ZNF780B: variants seen among roughly 807,000 people sequenced by gnomAD.
The protein encoded by ZNF780B is zinc finger protein 779.
Under a neutral mutation model 74.1 loss-of-function variants are expected in ZNF780B, and 52 were observed. That is an observed-to-expected ratio of 0.70 (90% CI 0.56 to 0.88). The LOEUF (loss-of-function observed/expected upper bound fraction) is 0.88, where lower values mean the gene tolerates loss of function less well. Ranked by LOEUF, ZNF780B falls within the 40% of genes least tolerant of loss-of-function variation. The probability of loss-of-function intolerance (pLI) is 0.00; values close to 1 mark genes in which losing one functional copy is unlikely to be tolerated. For synonymous variants in ZNF780B, 315 were observed against 324.3 expected (o/e 0.97, Z 0.31); for missense variants, 953 against 1,007.6 (o/e 0.95, Z 0.73).
Position 40,031,237 on chromosome 19 carries a change from T to G in ZNF780B, c.*3120A>C, listed in dbSNP as rs1245631820. The G allele has an allele frequency of 6.6e-6, 1 of 152,238 alleles. No individual in the cohort carries two copies. The highest frequency in any genetic ancestry group is 1.5e-5 in the Non-Finnish European group (1 of 68,046). 9.4% of individuals were successfully genotyped at this position (152,238 alleles called of 1,614,324 possible). A position where few individuals can be genotyped will look rare whatever the true frequency, so the allele number is the denominator to read the frequency against. ...GTATCATGTTTTGTTTTGGGGTTTT[T>G]TTGAGATGAAGTCTCACTTTGTCGC... On this transcript the variant is annotated 3_prime_UTR_variant, in exon 5 of 5. Coordinates refer to ENST00000434248, the MANE Select transcript of ZNF780B (RefSeq NM_001005851.3).
chr19:40,034,384 C>T lies in ZNF780B; in HGVS notation c.2475G>A (p.Leu825=), dbSNP rs752481253. 1.2e-6 allele frequency: 2 copies of T among 1,608,684 alleles called. No homozygotes were observed. Among genetic ancestry groups the T allele is most frequent in the Non-Finnish European group, 1.7e-6 (2 of 1,176,996 alleles). The change falls in exon 5 of 5, where the codon CTG becomes CTA. Residue 825 remains leucine (L), a synonymous_variant. Transcript: ENST00000434248. ...ACCCAAGTATGAATTTTCTGATGTT[C>T]AGTAAGTTGCTACTGATGTCTGAAG... The part of the protein sequence containing the change: ...GQPSDISSNL[L]NIRKFILG
chr19:40,034,299 C>T lies in ZNF780B; in HGVS notation c.*58G>A, dbSNP rs1274186888. 7.3e-7 allele frequency: 1 copy of T among 1,369,228 alleles called. No individual in the cohort carries two copies. The highest frequency in any genetic ancestry group is 1.0e-6 in the Non-Finnish European group (1 of 989,306). The allele number at this position is 1,369,228 out of a possible 1,614,324, so 84.8% of individuals were successfully genotyped here. A position where few individuals can be genotyped will look rare whatever the true frequency, so the allele number is the denominator to read the frequency against. On this transcript the variant is annotated 3_prime_UTR_variant, in exon 5 of 5. Transcript: ENST00000434248. ...CTCACGAATATGAAATCTATAATGTCCATGAAATTGGTAATGATATTGAAA... is the reference window on the plus strand; with the variant it reads ...CTCACGAATATGAAATCTATAATGTTCATGAAATTGGTAATGATATTGAAA...
intron 4 of ZNF780B, among the ~76,000 whole-genome samples, chr19:40,045,665 A>T (rs1819513893): frequency 6.6e-6 from 1 of 152,218 alleles, no homozygotes. Flanking sequence ...TGTCATTTGC[A>T]GCAACATGGA....
chr19:40,046,502 C>T (rs892129144), intron 4 of ZNF780B, among the ~76,000 whole-genome samples: 44 of 152,318 alleles, frequency 2.9e-4, no homozygotes, highest in Admixed American at 2.2e-3. Flanking sequence ...CCTTTCTTCC[C>T]GCTGTTCCAT....
intron 4 of ZNF780B, chr19:40,047,164 T>C (rs1313696755): frequency 2.1e-6 from 1 of 486,458 alleles, no homozygotes; most frequent in Non-Finnish European, 3.7e-6. Flanking sequence ...TAACAGAAAT[T>C]AGGTGATTAG....
At chr19:40,053,758 G>C (rs1490428513) in intron 1 of ZNF780B, among the ~76,000 whole-genome samples, 1 of 152,162 alleles carries the variant, frequency 6.6e-6, no homozygotes, top group African/African-American at 2.4e-5. Flanking sequence ...GCTGTCATTC[G>C]CAACAACATG....
chr19:40,036,113 AAC>A lies in ZNF780B; in HGVS notation c.744_745del (p.Phe249Ter), dbSNP rs1972293463. 3 of 1,613,494 alleles carry A rather than the reference AAC, an allele frequency of 1.9e-6. No individual in the cohort carries two copies. The highest frequency in any genetic ancestry group is 2.5e-6 in the Non-Finnish European group (3 of 1,179,790). On this transcript the variant is annotated frameshift_variant, in exon 5 of 5. Transcript: ENST00000434248. LOFTEE classifies it high-confidence loss of function. ...AGACTTCCCACATTCCTTACATTCAAACAGTTTCTTAACTGTGTGAATGTTCT... is the reference window on the plus strand; with the variant it reads ...AGACTTCCCACATTCCTTACATTCAAAGTTTCTTAACTGTGTGAATGTTCT...
Position 40,029,620 on chromosome 19 carries a change from A to G in ZNF780B, c.*4737T>C, listed in dbSNP as rs1441363941. 6.5e-6 allele frequency: 1 copy of G among 153,038 alleles called. No homozygotes were observed. Among genetic ancestry groups the G allele is most frequent in the Non-Finnish European group, 1.5e-5 (1 of 68,188 alleles). 9.5% of individuals were successfully genotyped at this position (153,038 alleles called of 1,614,324 possible). On this transcript the variant is annotated 3_prime_UTR_variant, in exon 5 of 5. Coordinates refer to ENST00000434248, the MANE Select transcript of ZNF780B (RefSeq NM_001005851.3). Reference sequence around the variant, plus strand: ...TAACAAAAGCAGCATCTTTTTTTCCATACCTGTAACTGCCATGTGCACTCA... The same window carrying G: ...TAACAAAAGCAGCATCTTTTTTTCCGTACCTGTAACTGCCATGTGCACTCA...
At chr19:40,037,813 C>T (rs1972412997) in intron 4 of ZNF780B, among the ~76,000 whole-genome samples, 1 of 151,702 alleles carries the variant, frequency 6.6e-6, no homozygotes, top group Non-Finnish European at 1.5e-5. Flanking sequence ...TTCTTGCTTG[C>T]TTAGACTGCT....
intron 2 of ZNF780B, 119 bp downstream of exon 2, chr19:40,050,196 CAAAAAAAAA>C (rs74179712): frequency 1.9e-3 from 736 of 392,278 alleles, no homozygotes; most frequent in Non-Finnish European, 2.5e-3. Flanking sequence ...GACTCCGTCT[CAAAAAAAAA>C]AAAAAAAAAA....
At chr19:40,040,053 T>C (rs1426619626) in intron 4 of ZNF780B, among the ~76,000 whole-genome samples, 2 of 152,190 alleles carry the variant, frequency 1.3e-5, no homozygotes, top group East Asian at 3.8e-4. Context: ...GGGTTTGTCA[T>C]AGATAGCTCT....
At chr19:40,041,883 A>T (rs1972660570) in intron 4 of ZNF780B, among the ~76,000 whole-genome samples, 1 of 152,144 alleles carries the variant, frequency 6.6e-6, no homozygotes, top group Non-Finnish European at 1.5e-5. Context: ...GTGTCTTTTA[A>T]TTGGAGAATT....
rs1490434031 is a variant in ZNF780B, at chr19:40,029,176, A to AT, written c.*5180dup. ...ATTGAAATGGAATGGTATTCTGGAA[A>AT]TTAAGACACACAGGTCCGTTATCCC... On this transcript the variant is annotated 3_prime_UTR_variant, in exon 5 of 5. Coordinates refer to ENST00000434248, the MANE Select transcript of ZNF780B (RefSeq NM_001005851.3). The AT allele has an allele frequency of 6.6e-6, 1 of 152,246 alleles. No homozygotes were observed. 9.4% of individuals were successfully genotyped at this position (152,246 alleles called of 1,614,324 possible).
chr19:40,049,227 C>T (rs2144818477), intron 2 of ZNF780B, among the ~76,000 whole-genome samples: 1 of 118,880 alleles, frequency 8.4e-6, no homozygotes, highest in South Asian at 2.9e-4. Flanking sequence ...GAGTGAGACC[C>T]TATCTCAAAA....
chr19:40,029,924 T>G lies in ZNF780B; in HGVS notation c.*4433A>C, dbSNP rs1258271783. 1.3e-5 allele frequency: 2 copies of G among 152,214 alleles called. No homozygotes were observed. The highest frequency in any genetic ancestry group is 4.8e-5 in the African/African-American group (2 of 41,446). 9.4% of individuals were successfully genotyped at this position (152,214 alleles called of 1,614,324 possible). On this transcript the variant is annotated 3_prime_UTR_variant, in exon 5 of 5. Coordinates refer to ENST00000434248, the MANE Select transcript of ZNF780B (RefSeq NM_001005851.3). ...CAATTTGAGCATAAATAATAATAAT[T>G]ACTACAGGTGCTTCTCAACTTACGG... is the stretch of plus-strand genomic sequence containing the variant.
chr19:40,051,550 T>C lies in ZNF780B; in HGVS notation c.-45-1173A>G, dbSNP rs79419168. ...ACTAATTTCTTGTATGCATTAATGA[T>C]GGTCATATTTCTACATCCGAATTCA... is the stretch of plus-strand genomic sequence containing the variant. On this transcript the variant is annotated intron_variant, in intron 1 of 4. Coordinates refer to ENST00000434248, the MANE Select transcript of ZNF780B (RefSeq NM_001005851.3). 9.1e-3 allele frequency among the ~76,000 whole-genome samples: 1,385 copies of C among 152,320 alleles called. 41 individuals are homozygous for C. In the East Asian group the frequency reaches 0.099, roughly 11 times the overall value.
chr19:40,036,881 T>C (rs1244752493), intron 4 of ZNF780B, among the ~76,000 whole-genome samples: 1 of 151,792 alleles, frequency 6.6e-6, no homozygotes, highest in Admixed American at 6.6e-5. Context: ...AACTCAGATG[T>C]ACAGAATCAG....
Position 40,035,273 on chromosome 19 carries a change from T to C in ZNF780B, c.1586A>G (p.Tyr529Cys), listed in dbSNP as rs531768381. ...HQSIHTGEKP[Y>C]ECKECGKAFR... ...AGCCTTCCCACACTCCTTACATTCA[T>C]AGGGCTTCTCACCAGTGTGAATACT... is the stretch of plus-strand genomic sequence containing the variant. Residue 529 changes from tyrosine (Y) to cysteine (C), a missense_variant, in exon 5 of 5, where the codon TAT becomes TGT. Coordinates refer to ENST00000434248, the MANE Select transcript of ZNF780B (RefSeq NM_001005851.3). 8.7e-6 allele frequency: 14 copies of C among 1,613,790 alleles called. No individual in the cohort carries two copies. The African/African-American group carries it at 1.3e-4, about 15-fold the overall frequency.
chr19:40,051,403 C>A (rs1488119948), intron 1 of ZNF780B, among the ~76,000 whole-genome samples: 1 of 152,050 alleles, frequency 6.6e-6, no homozygotes, highest in East Asian at 1.9e-4. Flanking sequence ...CTCTACTGAG[C>A]TCTTGTTTTT....
Sources: gnomAD v4.1 joint callset for allele counts (sites outside exome capture counted in the v4.1 genomes callset) on GRCh38, gnomAD v4.1.1 for gene constraint, MANE v1.5 for transcripts, NCBI Gene and HGNC (gene_info 2026-07-23, HGNC 2026-07-21) for gene names.